ZFHX3: variants seen among roughly 807,000 people sequenced by gnomAD.
ZFHX3 encodes zinc finger homeobox 3.
Under a neutral mutation model 279.1 loss-of-function variants are expected in ZFHX3, and 42 were observed. The observed-to-expected ratio is 0.15, with a 90% CI of 0.12 to 0.19. The LOEUF (loss-of-function observed/expected upper bound fraction) is 0.19, where lower values mean the gene tolerates loss of function less well. Ranked by LOEUF, ZFHX3 falls within the 10% of genes least tolerant of loss-of-function variation. ZFHX3 has a pLI of 1.00. For synonymous variants in ZFHX3, 2,293 were observed against 1,957.8 expected, an observed-to-expected ratio of 1.17 and a Z score of -4.52; for missense variants, 4,981 against 4,754.0, an observed-to-expected ratio of 1.05 and a Z score of -1.40.
chr16:73,816,781 C>A (rs543200975), intron 1 of ZFHX3, among the ~76,000 whole-genome samples: 1 of 152,036 alleles, frequency 6.6e-6, no homozygotes, highest in Non-Finnish European at 1.5e-5. Context: ...TTTGAAGTAA[C>A]GAAGATGAAC....
chr16:73,713,208 C>A (rs975282572), intron 1 of ZFHX3, among the ~76,000 whole-genome samples: 4 of 152,194 alleles, frequency 2.6e-5, no homozygotes, highest in African/African-American at 9.7e-5. Context: ...CTACTTTTAA[C>A]TCACTACCAG....
chr16:73,309,552 T>G (rs1256276206), intron 4 of ZFHX3, among the ~76,000 whole-genome samples: 1 of 152,172 alleles, frequency 6.6e-6, no homozygotes, highest in Non-Finnish European at 1.5e-5. Flanking sequence ...TGAAATTTGA[T>G]GATGTGGGAA....
chr16:72,950,447 G>A, intron 3 of ZFHX3, 22 bp downstream of exon 3: 1 of 1,605,776 alleles, frequency 6.2e-7, no homozygotes, highest in Non-Finnish European at 8.5e-7. Context: ...GAGCGCCTGA[G>A]CCATAAGGAG....
At chr16:73,456,864 T>A (rs1238498068) in intron 2 of ZFHX3, among the ~76,000 whole-genome samples, 1 of 152,248 alleles carries the variant, frequency 6.6e-6, no homozygotes, top group Non-Finnish European at 1.5e-5. Flanking sequence ...GATAATTCTC[T>A]GCTGGCCTCC....
intron 5 of ZFHX3, among the ~76,000 whole-genome samples, chr16:72,815,034 A>G (rs1172886211): frequency 6.6e-6 from 1 of 152,084 alleles, no homozygotes; most frequent in Non-Finnish European, 1.5e-5. Flanking sequence ...CCCTTGCTTG[A>G]CCTCAGACAT....
At chr16:73,067,039 A>G (rs1280947686) in intron 8 of ZFHX3, among the ~76,000 whole-genome samples, 2 of 151,894 alleles carry the variant, frequency 1.3e-5, no homozygotes, top group Admixed American at 1.3e-4. Flanking sequence ...CTGGGAGTGG[A>G]GAACCCCCGG....
intron 7 of ZFHX3, 98 bp downstream of exon 7, chr16:72,811,479 C>A (rs1235472499): frequency 3.5e-5 from 44 of 1,267,646 alleles, no homozygotes; most frequent in Non-Finnish European, 4.6e-5. Context: ...CAACTCTACA[C>A]TGACTTTCTC....
At chr16:73,737,340 G>T (rs1241372088) in intron 1 of ZFHX3, among the ~76,000 whole-genome samples, 1 of 152,092 alleles carries the variant, frequency 6.6e-6, no homozygotes, top group Non-Finnish European at 1.5e-5. Flanking sequence ...CTCAGCCTGT[G>T]ACTCCATTCT....
intron 4 of ZFHX3, among the ~76,000 whole-genome samples, chr16:73,300,582 C>A (rs1286806906): frequency 6.6e-6 from 1 of 152,070 alleles, no homozygotes; most frequent in African/African-American, 2.4e-5. Context: ...TGGCTTATTG[C>A]AACCTCTGCT....
chr16:72,954,243 G>A (rs1402363432), intron 2 of ZFHX3, among the ~76,000 whole-genome samples: 1 of 152,200 alleles, frequency 6.6e-6, no homozygotes, highest in East Asian at 1.9e-4. Context: ...GGTGGCGCAT[G>A]CCTGTAATCC....
intron 2 of ZFHX3, among the ~76,000 whole-genome samples, chr16:73,458,189 T>C (rs1375712421): frequency 6.6e-6 from 1 of 152,162 alleles, no homozygotes; most frequent in Admixed American, 6.5e-5. Context: ...TTTTCTTTCT[T>C]CCTTTTCTAT....
At chr16:72,954,229 G>C (rs1961136742) in intron 2 of ZFHX3, among the ~76,000 whole-genome samples, 1 of 152,172 alleles carries the variant, frequency 6.6e-6, no homozygotes, top group Non-Finnish European at 1.5e-5. Flanking sequence ...AATTAGCTAG[G>C]CATGGTGGCG....
Position 72,788,326 on chromosome 16 carries a change from G to C in ZFHX3, c.9950C>G (p.Pro3317Arg), listed in dbSNP as rs748783312. The C allele has an allele frequency of 1.9e-6, 3 of 1,614,026 alleles. No homozygotes were observed. The African/African-American group carries it at 4.0e-5, about 22-fold the overall frequency. The change falls in exon 10 of 10, where the codon CCT becomes CGT. Residue 3317 changes from proline to arginine, a missense_variant. Around this residue, in one of 7 missense-constraint regions of ZFHX3, gnomAD observed 1,034 missense variants for 786.0 expected, o/e 1.32. Coordinates refer to ENST00000268489, the MANE Select transcript of ZFHX3 (RefSeq NM_006885.4). ...FLPYFVPGFS[P>R]YYAPQIPGAL... ...GCCAGGGATCTGGGGAGCATAATAA[G>C]GAGAAAAGCCTGGTACAAAGTAAGG...
At chr16:73,799,636 G>T (rs899304003) in intron 1 of ZFHX3, among the ~76,000 whole-genome samples, 2 of 152,116 alleles carry the variant, frequency 1.3e-5, no homozygotes, top group Non-Finnish European at 2.9e-5. Context: ...CTTCCTCTCA[G>T]GAAGAAAGGG....
At chr16:73,481,138 G>A (rs934653065) in intron 2 of ZFHX3, among the ~76,000 whole-genome samples, 2 of 151,996 alleles carry the variant, frequency 1.3e-5, no homozygotes, top group Admixed American at 6.5e-5. Flanking sequence ...AGACCAGCCC[G>A]GCCAACATGG....
chr16:73,318,594 C>A (rs1245869401), intron 3 of ZFHX3, among the ~76,000 whole-genome samples: 1 of 151,898 alleles, frequency 6.6e-6, no homozygotes, highest in Non-Finnish European at 1.5e-5. Context: ...GGAAGGAGAT[C>A]TCCTTCTAGT....
chr16:73,284,938 T>C (rs750818837), intron 4 of ZFHX3, among the ~76,000 whole-genome samples: 1 of 152,220 alleles, frequency 6.6e-6, no homozygotes, highest in African/African-American at 2.4e-5. Context: ...ACTCCTGTGC[T>C]CAATGGATCC....
intron 5 of ZFHX3, among the ~76,000 whole-genome samples, chr16:73,186,467 A>T (rs1967910061): frequency 6.6e-6 from 1 of 152,160 alleles, no homozygotes; most frequent in Non-Finnish European, 1.5e-5. Flanking sequence ...GAGACGACAT[A>T]AAATACCCAG....
chr16:73,849,212 G>A (rs748897273), intron 1 of ZFHX3, among the ~76,000 whole-genome samples: 2 of 152,178 alleles, frequency 1.3e-5, no homozygotes, highest in African/African-American at 4.8e-5. Flanking sequence ...GGTGTGTGAC[G>A]TCAATTCACA....
Sources: gnomAD v4.1 joint callset for allele counts (sites outside exome capture counted in the v4.1 genomes callset) on GRCh38, gnomAD v4.1.1 for gene constraint, gnomAD v4.1.1 regional missense constraint, MANE v1.5 for transcripts, NCBI Gene and HGNC (gene_info 2026-07-23, HGNC 2026-07-21) for gene names.